FXN: variants seen among roughly 807,000 people sequenced by gnomAD.
The protein encoded by FXN is frataxin.
A neutral mutation model predicts 22.4 loss-of-function variants in FXN; 14 were observed. That is an observed-to-expected ratio of 0.62 (90% confidence interval 0.41 to 0.98). The LOEUF is 0.98. Among genes scored for constraint, FXN ranks in the 50% least tolerant of loss-of-function variants. FXN has a pLI of 0.00. For missense variants in FXN, 267 were observed against 268.4 expected, an observed-to-expected ratio of 0.99 and a Z score of 0.04; for synonymous variants, 120 against 114.1, an observed-to-expected ratio of 1.05 and a Z score of -0.33.
chr9:69,073,140 G>A lies in FXN; in HGVS notation c.*378G>A. On this transcript the variant is annotated 3_prime_UTR_variant, in exon 5 of 5. Transcript: ENST00000484259. The stretch of plus-strand genomic sequence containing the variant: ...CTCTTCATTCTTTGAAGGATTTACT[G>A]CAAGAAGTACATGAAGAGCAGCTGG... The A allele has an allele frequency of 1.8e-6, 2 of 1,125,692 alleles. No homozygotes were observed. The allele number at this position is 1,125,692 out of a possible 1,614,324, so 69.7% of individuals were successfully genotyped here.
At position 69,055,268 on chromosome 9, in the gene FXN, C is replaced by T. The variant is rs1445710700; in HGVS notation, c.384+2008C>T. ...CAGAGGTGGGGGAGTTAAGGGCCTT[C>T]TCTCCCCTAGCCTCTACTAGAGCCT... On this transcript the variant is annotated intron_variant, in intron 3 of 4. Transcript: ENST00000484259. Among the ~76,000 whole-genome samples, 11 of 152,270 alleles carry T rather than the reference C, an allele frequency of 7.2e-5. No individual in the cohort carries two copies. In the East Asian group the frequency reaches 2.1e-3, roughly 29 times the overall value.
intron 1 of FXN, among the ~76,000 whole-genome samples, chr9:69,040,835 G>A (rs920377378): frequency 3.9e-5 from 6 of 152,130 alleles, no homozygotes; most frequent in Non-Finnish European, 7.4e-5. Flanking sequence ...TGAGGGTGGA[G>A]CCCATATGAT....
chr9:69,040,773 C>T (rs1831643205), intron 1 of FXN, among the ~76,000 whole-genome samples: 1 of 152,158 alleles, frequency 6.6e-6, no homozygotes, highest in African/African-American at 2.4e-5. Context: ...ATGTTAAAAC[C>T]TAATCACCAA....
At chr9:69,040,181 C>T (rs1475793735) in intron 1 of FXN, among the ~76,000 whole-genome samples, 4 of 152,186 alleles carry the variant, frequency 2.6e-5, no homozygotes, top group African/African-American at 9.7e-5. Context: ...GCTCCTGTGG[C>T]ATCCACTTCT....
chr9:69,069,560 G>A (rs981834787), intron 4 of FXN, among the ~76,000 whole-genome samples: 2 of 152,186 alleles, frequency 1.3e-5, no homozygotes, highest in African/African-American at 4.8e-5. Context: ...GGTATGATGG[G>A]GACTTGGCAG....
At position 69,074,374 on chromosome 9, in the gene FXN, A is replaced by G. The variant is rs1013428352; in HGVS notation, c.*1612A>G. On this transcript the variant is annotated 3_prime_UTR_variant, in exon 5 of 5. Transcript: ENST00000484259. ...GTTATATTATTTTCTTACTTAAAGAAGGATTTATTAGTGGCTGGGCATGGT... is the reference window on the plus strand; with the variant it reads ...GTTATATTATTTTCTTACTTAAAGAGGGATTTATTAGTGGCTGGGCATGGT... 1.0e-6 allele frequency: 1 copy of G among 985,084 alleles called. No individual in the cohort carries two copies. The highest frequency in any genetic ancestry group is 1.2e-6 in the Non-Finnish European group (1 of 829,794). 61.0% of individuals were successfully genotyped at this position (985,084 alleles called of 1,614,324 possible).
At position 69,073,435 on chromosome 9, in the gene FXN, G is replaced by A. The variant is rs1832310522; in HGVS notation, c.*673G>A. 3 of 985,250 alleles carry A rather than the reference G, an allele frequency of 3.0e-6. No individual in the cohort carries two copies. The highest frequency in any genetic ancestry group is 3.5e-5 in the African/African-American group (2 of 57,198). The allele number at this position is 985,250 out of a possible 1,614,324, so 61.0% of individuals were successfully genotyped here. A position where few individuals can be genotyped will look rare whatever the true frequency, so the allele number is the denominator to read the frequency against. The stretch of plus-strand genomic sequence containing the variant: ...ATATATTTTTTCAATTTAAAGGTTA[G>A]TATGGAATCAGCTGCTACAAGAATG... On this transcript the variant is annotated 3_prime_UTR_variant, in exon 5 of 5. Transcript: ENST00000484259.
rs1832370505 is a variant in FXN at position 69,076,398 on chromosome 9, C to G, written c.*3636C>G. ...CCCAAAATATGGATGACGTTCCCTACTCAACCTTGAACTTAATCAAAATAC... is the reference window on the plus strand; with the variant it reads ...CCCAAAATATGGATGACGTTCCCTAGTCAACCTTGAACTTAATCAAAATAC... On this transcript the variant is annotated 3_prime_UTR_variant, in exon 5 of 5. Coordinates refer to ENST00000484259, the MANE Select transcript of FXN (RefSeq NM_000144.5). The G allele has an allele frequency of 1.0e-6, 1 of 985,358 alleles. No individual in the cohort carries two copies. Among genetic ancestry groups the G allele is most frequent in the South Asian group, 4.7e-5 (1 of 21,284 alleles). The allele number at this position is 985,358 out of a possible 1,614,324, so 61.0% of individuals were successfully genotyped here.
In FXN at chr9:69,035,925, C is replaced by A; in HGVS notation, c.143C>A (p.Ala48Glu). 6.8e-7 allele frequency: 1 copy of A among 1,476,852 alleles called. No homozygotes were observed. Among genetic ancestry groups the A allele is most frequent in the Non-Finnish European group, 8.9e-7 (1 of 1,119,962 alleles). 91.5% of individuals were successfully genotyped at this position (1,476,852 alleles called of 1,614,324 possible). ...GRRGLRTDID[A>E]TCTPRRASSN... ...CGTGGCCTGCGCACCGACATCGATGCGACCTGCACGCCCCGCCGCGCAGTA... is the reference window on the plus strand; with the variant it reads ...CGTGGCCTGCGCACCGACATCGATGAGACCTGCACGCCCCGCCGCGCAGTA... Residue 48 changes from alanine to glutamate, a missense_variant, in exon 1 of 5, where the codon GCG becomes GAG. Ala to Glu is a moderately radical substitution (Grantham distance 107). Coordinates refer to ENST00000484259, the MANE Select transcript of FXN (RefSeq NM_000144.5).
In FXN at chr9:69,035,765, C is replaced by T; in HGVS notation, c.-18C>T. 2 of 1,495,208 alleles carry T rather than the reference C, an allele frequency of 1.3e-6. No individual in the cohort carries two copies. The highest frequency in any genetic ancestry group is 2.1e-5 in the Admixed American group (1 of 47,566). The allele number at this position is 1,495,208 out of a possible 1,614,324, so 92.6% of individuals were successfully genotyped here. On this transcript the variant is annotated 5_prime_UTR_variant, in exon 1 of 5. Coordinates refer to ENST00000484259, the MANE Select transcript of FXN (RefSeq NM_000144.5). ...ACCCAGCGCTGGAGGGCGGAGCGGG[C>T]GGCAGACCCGGAGCAGCATGTGGAC...
At chr9:69,040,568 T>G (rs1831639135) in intron 1 of FXN, among the ~76,000 whole-genome samples, 1 of 151,934 alleles carries the variant, frequency 6.6e-6, no homozygotes, top group Non-Finnish European at 1.5e-5. Context: ...CTCGGGACGC[T>G]GAGGCAGGAG....
intron 4 of FXN, among the ~76,000 whole-genome samples, chr9:69,068,696 G>A (rs1832217975): frequency 6.6e-6 from 1 of 152,208 alleles, no homozygotes; most frequent in Admixed American, 6.5e-5. Context: ...GCTGAGAAGG[G>A]GAGAATCGGC....
chr9:69,072,496 G>T (rs1296252800), intron 4 of FXN, 116 bp from the exon 5 acceptor site: 9 of 1,586,686 alleles, frequency 5.7e-6, no homozygotes, highest in Non-Finnish European at 6.9e-6. Flanking sequence ...AGCTCATTTT[G>T]TGTTATTTTC....
In FXN at chr9:69,072,838, T is replaced by C; in HGVS notation, c.*76T>C. On this transcript the variant is annotated 3_prime_UTR_variant, in exon 5 of 5. Coordinates refer to ENST00000484259, the MANE Select transcript of FXN (RefSeq NM_000144.5). ...CTTCATTATGCAGCTGAGGTCTGTT[T>C]TTTGTTGTTGTTGTTGTTTATTTTT... The C allele has an allele frequency of 6.5e-7, 1 of 1,548,056 alleles. No individual in the cohort carries two copies. The highest frequency in any genetic ancestry group is 8.8e-7 in the Non-Finnish European group (1 of 1,137,778).
At chr9:69,049,643 ATTG>A (rs1282988019) in intron 2 of FXN, among the ~76,000 whole-genome samples, 2 of 152,176 alleles carry the variant, frequency 1.3e-5, no homozygotes, top group African/African-American at 4.8e-5. Flanking sequence ...TAATATTTTT[ATTG>A]TTATAATTTA....
intron 4 of FXN, among the ~76,000 whole-genome samples, chr9:69,070,274 C>T (rs1035116863): frequency 2.6e-5 from 4 of 152,048 alleles, no homozygotes; most frequent in African/African-American, 7.2e-5. Flanking sequence ...GCTGGAGGGC[C>T]GCCGTGTCCA....
rs1832354439 is a variant in FXN at position 69,075,751 on chromosome 9, G to A, written c.*2989G>A. 1.0e-6 allele frequency: 1 copy of A among 968,206 alleles called. No individual in the cohort carries two copies. Among genetic ancestry groups the A allele is most frequent in the Admixed American group, 6.2e-5 (1 of 16,220 alleles). The allele number at this position is 968,206 out of a possible 1,614,324, so 60.0% of individuals were successfully genotyped here. ...TTTTTTTCCCCTTTCTATTTTTTGA[G>A]ACAGGATCTCACTTTGGCACTCAGG... On this transcript the variant is annotated 3_prime_UTR_variant, in exon 5 of 5. Transcript: ENST00000484259.
chr9:69,073,344 C>T lies in FXN; in HGVS notation c.*582C>T, dbSNP rs1832308801. 1 of 992,220 alleles carries T rather than the reference C, an allele frequency of 1.0e-6. No homozygotes were observed. The allele number at this position is 992,220 out of a possible 1,614,324, so 61.5% of individuals were successfully genotyped here. ...TCTGTGACTGCCAAGGTGTGGCCTG[C>T]ACTGGGTTGTCCAGGGAGACCTAGT... On this transcript the variant is annotated 3_prime_UTR_variant, in exon 5 of 5. Coordinates refer to ENST00000484259, the MANE Select transcript of FXN (RefSeq NM_000144.5).
At chr9:69,038,198 G>A (rs941582179) in intron 1 of FXN, among the ~76,000 whole-genome samples, 1 of 152,130 alleles carries the variant, frequency 6.6e-6, no homozygotes, top group African/African-American at 2.4e-5. Flanking sequence ...GCACATCTTG[G>A]GTATTTGAGG....
Sources: gnomAD v4.1 joint callset for allele counts (sites outside exome capture counted in the v4.1 genomes callset) on GRCh38, gnomAD v4.1.1 for gene constraint, MANE v1.5 for transcripts, NCBI Gene and HGNC (gene_info 2026-07-23, HGNC 2026-07-21) for gene names.